The following SRRM4 variants were observed in gnomAD, a reference collection of about 807,000 sequenced individuals.
SRRM4 encodes serine/arginine repetitive matrix 4.
In SRRM4, 33 loss-of-function variants were observed where a neutral mutation model predicts 68.9. The observed-to-expected ratio is 0.48, with a 90% CI of 0.36 to 0.64. The LOEUF (loss-of-function observed/expected upper bound fraction) is 0.64, where lower values mean the gene tolerates loss of function less well. SRRM4 is among the 30% of genes least tolerant of loss of function. The pLI is 0.00. For synonymous variants in SRRM4, 318 were observed against 318.8 expected, an observed-to-expected ratio of 1.00 and a Z score of 0.03; for missense variants, 817 against 827.1, an observed-to-expected ratio of 0.99 and a Z score of 0.15.
At position 119,065,568 on chromosome 12, in the gene SRRM4, C is replaced by T. The variant is rs150498803; in HGVS notation, c.132-36668C>T. Among the ~76,000 whole-genome samples the T allele has an allele frequency of 8.9e-3, 1,351 of 152,196 alleles. 12 individuals are homozygous for T. The highest frequency in any genetic ancestry group is 0.019 in the African/African-American group (799 of 41,508). The stretch of plus-strand genomic sequence containing the variant: ...TGGCCAACATAGTGAAACCCCGTCT[C>T]TACTAAAAATACAAAAATTAGCCCG... On this transcript the variant is annotated intron_variant, in intron 1 of 12. Coordinates refer to ENST00000267260, the MANE Select transcript of SRRM4 (RefSeq NM_194286.4).
At chr12:119,132,319 G>T (rs1435151019) in intron 8 of SRRM4, 2 of 152,146 alleles carry the variant, frequency 1.3e-5, no homozygotes, top group East Asian at 3.9e-4. Flanking sequence ...TGAGAAATGG[G>T]CATGATTATC....
chr12:119,092,700 G>C (rs1954021153), intron 1 of SRRM4, among the ~76,000 whole-genome samples: 1 of 152,062 alleles, frequency 6.6e-6, no homozygotes, highest in Non-Finnish European at 1.5e-5. Flanking sequence ...TTTCTTCACT[G>C]GTCTTCCGTA....
chr12:119,023,671 A>G (rs929033085), intron 1 of SRRM4, among the ~76,000 whole-genome samples: 14 of 152,316 alleles, frequency 9.2e-5, no homozygotes, highest in Middle Eastern at 6.8e-3. Flanking sequence ...CATTACTCTC[A>G]GGAGAAAACT....
At chr12:119,039,533 A>G (rs1179243193) in intron 1 of SRRM4, among the ~76,000 whole-genome samples, 2 of 152,158 alleles carry the variant, frequency 1.3e-5, no homozygotes, top group Non-Finnish European at 2.9e-5. Flanking sequence ...GTTTGAACCA[A>G]TATGCAGGGT....
intron 1 of SRRM4, among the ~76,000 whole-genome samples, chr12:119,008,593 T>G (rs1174351638): frequency 2.0e-5 from 3 of 152,186 alleles, no homozygotes; most frequent in Non-Finnish European, 4.4e-5. Context: ...GCAAGTCTCC[T>G]CACCATGCCT....
In SRRM4 at chr12:119,156,597, C is replaced by T. The variant is rs778137888; in HGVS notation, c.1635C>T (p.Ala545=). The change falls in exon 13 of 13, where the codon GCC becomes GCT. Residue 545 remains alanine, a synonymous_variant. Coordinates refer to ENST00000267260, the MANE Select transcript of SRRM4 (RefSeq NM_194286.4). ...ACAGCAGCAGCAGTAGCCGCTCGGCCAGCCGCAGCTACTCCCGGAGCCGGA... is the reference window on the plus strand; with the variant it reads ...ACAGCAGCAGCAGTAGCCGCTCGGCTAGCCGCAGCTACTCCCGGAGCCGGA... ...SWYSSSSSRS[A]SRSYSRSRSR... The T allele has an allele frequency of 1.2e-6, 2 of 1,610,930 alleles. No individual in the cohort carries two copies. Among genetic ancestry groups the T allele is most frequent in the Non-Finnish European group, 8.5e-7 (1 of 1,179,606 alleles).
At chr12:119,006,145 G>T (rs1221130987) in intron 1 of SRRM4, among the ~76,000 whole-genome samples, 2 of 152,168 alleles carry the variant, frequency 1.3e-5, no homozygotes, top group Non-Finnish European at 2.9e-5. Flanking sequence ...GGAGCTTTCC[G>T]TTCTCTCTCT....
At chr12:119,112,978 A>T (rs552612678) in intron 2 of SRRM4, among the ~76,000 whole-genome samples, 4 of 148,484 alleles carry the variant, frequency 2.7e-5, no homozygotes, top group Admixed American at 6.6e-5. Context: ...AATTAAAATT[A>T]AAAAAAAACA....
intron 1 of SRRM4, among the ~76,000 whole-genome samples, chr12:118,982,692 T>A (rs1426084287): frequency 1.9e-5 from 2 of 102,690 alleles, no homozygotes; most frequent in African/African-American, 7.3e-5. Context: ...TTTTTTTTTT[T>A]TTTCCAAAAA....
intron 1 of SRRM4, among the ~76,000 whole-genome samples, chr12:118,992,634 A>G (rs896026243): frequency 1.3e-5 from 2 of 152,204 alleles, no homozygotes; most frequent in Admixed American, 1.3e-4. Context: ...TGCTGCAGGA[A>G]CGAGAGGCCA....
intron 1 of SRRM4, among the ~76,000 whole-genome samples, chr12:119,041,861 T>C (rs1286286061): frequency 2.0e-5 from 3 of 152,144 alleles, no homozygotes; most frequent in Non-Finnish European, 4.4e-5. Flanking sequence ...GGAGAATGCC[T>C]ACTGTCTACA....
intron 9 of SRRM4, among the ~76,000 whole-genome samples, chr12:119,150,569 A>T (rs767798091): frequency 2.0e-5 from 3 of 152,228 alleles, no homozygotes; most frequent in Non-Finnish European, 4.4e-5. Context: ...GCTGAGTCTG[A>T]GGTGTGCTCC....
At chr12:118,997,412 C>T (rs1015105651) in intron 1 of SRRM4, among the ~76,000 whole-genome samples, 1 of 152,178 alleles carries the variant, frequency 6.6e-6, no homozygotes, top group Non-Finnish European at 1.5e-5. Flanking sequence ...TTACTGTGGA[C>T]GCGTCCATCA....
intron 1 of SRRM4, among the ~76,000 whole-genome samples, chr12:119,004,717 C>G (rs916934641): frequency 5.9e-5 from 9 of 151,950 alleles, no homozygotes; most frequent in African/African-American, 2.2e-4. Context: ...TTTCTCTCCT[C>G]TCGGCTCCCC....
chr12:119,026,190 A>C (rs948871933), intron 1 of SRRM4, among the ~76,000 whole-genome samples: 2 of 151,942 alleles, frequency 1.3e-5, no homozygotes, highest in Non-Finnish European at 2.9e-5. Flanking sequence ...GAAAAAAATC[A>C]CTCTGTGGCT....
At chr12:119,083,782 A>T (rs972413567) in intron 1 of SRRM4, among the ~76,000 whole-genome samples, 2 of 152,158 alleles carry the variant, frequency 1.3e-5, no homozygotes, top group South Asian at 2.1e-4. Flanking sequence ...GCTGCCCAGA[A>T]CATTGCTAGG....
intron 1 of SRRM4, among the ~76,000 whole-genome samples, chr12:118,985,949 C>A (rs563114117): frequency 6.6e-6 from 1 of 152,268 alleles, no homozygotes; most frequent in South Asian, 2.1e-4. Flanking sequence ...AAGTAGAACA[C>A]ACATTTTCCT....
At chr12:119,049,514 G>A (rs1445995949) in intron 1 of SRRM4, among the ~76,000 whole-genome samples, 1 of 152,176 alleles carries the variant, frequency 6.6e-6, no homozygotes, top group African/African-American at 2.4e-5. Context: ...GACATAATCT[G>A]ACTTCCATTT....
intron 9 of SRRM4, among the ~76,000 whole-genome samples, chr12:119,149,578 G>A (rs1298876545): frequency 6.6e-6 from 1 of 151,998 alleles, no homozygotes; most frequent in Non-Finnish European, 1.5e-5. Context: ...CCAGACAGGG[G>A]ACGGGGGTGT....
Sources: gnomAD v4.1 joint callset for allele counts (sites outside exome capture counted in the v4.1 genomes callset) on GRCh38, gnomAD v4.1.1 for gene constraint, MANE v1.5 for transcripts, NCBI Gene and HGNC (gene_info 2026-07-23, HGNC 2026-07-21) for gene names.